TAFA2: variants seen among roughly 807,000 people sequenced by gnomAD.
TAFA2 encodes the protein chemokine-like protein TAFA-2.
A neutral mutation model predicts 18.8 loss-of-function variants in TAFA2; 7 were observed. That is an observed-to-expected ratio of 0.37 (90% CI 0.21 to 0.70). TAFA2 has a LOEUF of 0.70. Ranked by LOEUF, TAFA2 falls within the 30% of genes least tolerant of loss-of-function variation. The pLI is 0.53. For missense variants in TAFA2, 122 were observed against 158.1 expected (o/e 0.77, Z 1.23); for synonymous variants, 60 against 54.2 (o/e 1.11, Z -0.47).
chr12:61,847,785 G>C (rs148787477), intron 2 of TAFA2, among the ~76,000 whole-genome samples: 1 of 152,322 alleles, frequency 6.6e-6, no homozygotes, highest in East Asian at 1.9e-4. Flanking sequence ...AGGAAAAAAA[G>C]ACCAGCAGTA....
chr12:61,890,771 C>A (rs113483127), intron 1 of TAFA2, among the ~76,000 whole-genome samples: 1 of 152,108 alleles, frequency 6.6e-6, no homozygotes, highest in South Asian at 2.1e-4. Context: ...GACTTCTCCC[C>A]GGGGACAGAG....
At chr12:61,754,808 T>C (rs1869184706) in intron 3 of TAFA2, 64 bp downstream of exon 3, 2 of 1,543,148 alleles carry the variant, frequency 1.3e-6, no homozygotes, top group Admixed American at 3.4e-5. Flanking sequence ...AGCATTATAG[T>C]GGGGTTCTAG....
chr12:62,109,655 G>A (rs951551725), intron 1 of TAFA2, among the ~76,000 whole-genome samples: 12 of 152,038 alleles, frequency 7.9e-5, no homozygotes, highest in African/African-American at 2.9e-4. Context: ...CTTATTCCTT[G>A]AGCAATGGTT....
intron 1 of TAFA2, among the ~76,000 whole-genome samples, chr12:62,241,833 C>A (rs1008855244): frequency 6.6e-6 from 1 of 152,170 alleles, no homozygotes; most frequent in African/African-American, 2.4e-5. Flanking sequence ...AAAACAAGCA[C>A]CTCATCAAAA....
At chr12:62,107,681 T>C (rs1045886666) in intron 1 of TAFA2, among the ~76,000 whole-genome samples, 7 of 152,182 alleles carry the variant, frequency 4.6e-5, no homozygotes, top group African/African-American at 1.7e-4. Context: ...TCTTCTGTGT[T>C]CATTTTTTTT....
chr12:61,845,929 A>C (rs754488436), intron 2 of TAFA2, among the ~76,000 whole-genome samples: 10 of 152,232 alleles, frequency 6.6e-5, no homozygotes, highest in Non-Finnish European at 1.3e-4. Flanking sequence ...TTATAAGACC[A>C]TAATTCCTTC....
chr12:62,148,799 G>A (rs777053750), intron 1 of TAFA2, among the ~76,000 whole-genome samples: 2 of 151,940 alleles, frequency 1.3e-5, no homozygotes, highest in Non-Finnish European at 2.9e-5. Flanking sequence ...CTGAGTAACC[G>A]GTATACTCAA....
chr12:61,892,235 A>T (rs1428871905), intron 1 of TAFA2, among the ~76,000 whole-genome samples: 1 of 152,088 alleles, frequency 6.6e-6, no homozygotes, highest in East Asian at 1.9e-4. Context: ...AAACTAGATG[A>T]ATATTGGTGT....
chr12:61,743,756 A>G (rs1253005078), intron 4 of TAFA2, among the ~76,000 whole-genome samples: 1 of 152,114 alleles, frequency 6.6e-6, no homozygotes, highest in Non-Finnish European at 1.5e-5. Context: ...CACTCTCCAG[A>G]GTAAGAAAAT....
chr12:61,899,781 C>CT (rs1229134509), intron 1 of TAFA2, among the ~76,000 whole-genome samples: 1 of 152,148 alleles, frequency 6.6e-6, no homozygotes, highest in Non-Finnish European at 1.5e-5. Context: ...AATGTATAGA[C>CT]TTTTTTGCTT....
At chr12:61,960,274 G>A (rs1196928153) in intron 1 of TAFA2, among the ~76,000 whole-genome samples, 1 of 151,748 alleles carries the variant, frequency 6.6e-6, no homozygotes, top group Non-Finnish European at 1.5e-5. Context: ...GCTGGGTTCA[G>A]TGGTCCTTCT....
intron 1 of TAFA2, among the ~76,000 whole-genome samples, chr12:61,941,542 C>A (rs1005379954): frequency 2.0e-5 from 3 of 152,130 alleles, no homozygotes; most frequent in African/African-American, 4.8e-5. Context: ...TCTGAGGTAC[C>A]GGGTTCATCT....
chr12:61,922,733 C>T (rs1877108402), intron 1 of TAFA2, among the ~76,000 whole-genome samples: 1 of 152,162 alleles, frequency 6.6e-6, no homozygotes, highest in Admixed American at 6.5e-5. Flanking sequence ...GCACCTGGAA[C>T]ACCAGAGAGA....
intron 1 of TAFA2, among the ~76,000 whole-genome samples, chr12:62,218,404 A>C (rs2062746019): frequency 6.6e-6 from 1 of 152,150 alleles, no homozygotes; most frequent in Non-Finnish European, 1.5e-5. Context: ...TATTACTTGA[A>C]ATGCTAGTAT....
chr12:61,731,304 G>A (rs947591715), intron 4 of TAFA2, among the ~76,000 whole-genome samples: 2 of 152,048 alleles, frequency 1.3e-5, no homozygotes, highest in Non-Finnish European at 2.9e-5. Context: ...GCTACATCTT[G>A]TGAATTCTTT....
rs1795052769 is a variant in TAFA2, at chr12:61,934,581, C to T, written c.-1-67155G>A. Reference sequence around the variant, plus strand: ...AAACTCTGGGACCATCAAACACATACCAAGATTATTGTTTGCCTGGGAAAA... The same window carrying T: ...AAACTCTGGGACCATCAAACACATATCAAGATTATTGTTTGCCTGGGAAAA... On this transcript the variant is annotated intron_variant, in intron 1 of 4. Transcript: ENST00000416284. Among the ~76,000 whole-genome samples the T allele has an allele frequency of 1.3e-5, 2 of 152,166 alleles. 1 individual carries two copies. Among genetic ancestry groups the T allele is most frequent in the South Asian group, 4.1e-4 (2 of 4,824 alleles).
intron 3 of TAFA2, 92 bp from the exon 4 acceptor site, chr12:61,753,838 T>C: frequency 8.6e-7 from 1 of 1,163,688 alleles, no homozygotes; most frequent in Non-Finnish European, 1.2e-6. Context: ...CCACTAATTT[T>C]TCCTACCAGT....
chr12:62,001,320 T>G (rs977995395), intron 1 of TAFA2, among the ~76,000 whole-genome samples: 9 of 152,158 alleles, frequency 5.9e-5, no homozygotes, highest in African/African-American at 2.2e-4. Flanking sequence ...GGAGTGGTTT[T>G]GGATGATTCA....
At chr12:62,171,203 G>A (rs1348897059) in intron 1 of TAFA2, among the ~76,000 whole-genome samples, 1 of 151,770 alleles carries the variant, frequency 6.6e-6, no homozygotes, top group African/African-American at 2.4e-5. Context: ...CAATTAATAA[G>A]TAACTCATGT....
Sources: allele counts gnomAD v4.1 joint callset (sites outside exome capture counted in the v4.1 genomes callset), GRCh38; gene constraint gnomAD v4.1.1; transcripts MANE v1.5; gene names NCBI Gene and HGNC (gene_info 2026-07-23, HGNC 2026-07-21).